SYDE2: variants seen among roughly 807,000 people sequenced by gnomAD.
SYDE2 encodes the protein rho GTPase-activating protein SYDE2.
Under a neutral mutation model 91.5 loss-of-function variants are expected in SYDE2, and 76 were observed. The observed-to-expected ratio is 0.83, with a 90% CI of 0.69 to 1.01. The LOEUF is 1.01. SYDE2 is among the 50% of genes least tolerant of loss of function. SYDE2 has a pLI of 0.00. For missense variants in SYDE2, 1,364 were observed against 1,367.7 expected, an observed-to-expected ratio of 1.00 and a Z score of 0.04; for synonymous variants, 513 against 506.4, an observed-to-expected ratio of 1.01 and a Z score of -0.18.
intron 2 of SYDE2, among the ~76,000 whole-genome samples, chr1:85,188,974 A>G (rs1398295851): frequency 3.3e-5 from 5 of 152,204 alleles, no homozygotes; most frequent in Non-Finnish European, 7.3e-5. Context: ...TATAAAACAG[A>G]ACTGCTTTCT....
intron 1 of SYDE2, among the ~76,000 whole-genome samples, chr1:85,199,937 A>C (rs1380337338): frequency 6.6e-6 from 1 of 152,152 alleles, no homozygotes; most frequent in Non-Finnish European, 1.5e-5. Context: ...AAACCTACTA[A>C]AAGTGTGTTA....
intron 2 of SYDE2, among the ~76,000 whole-genome samples, chr1:85,184,253 A>C (rs1454441569): frequency 6.6e-6 from 1 of 152,332 alleles, no homozygotes; most frequent in Middle Eastern, 3.4e-3. Context: ...TGAATAACCA[A>C]TTGTTAGTTG....
At chr1:85,176,715 G>A (rs1408428473) in intron 4 of SYDE2, among the ~76,000 whole-genome samples, 1 of 152,124 alleles carries the variant, frequency 6.6e-6, no homozygotes, top group African/African-American at 2.4e-5. Context: ...ACACACTGAA[G>A]CATCTATAAA....
intron 4 of SYDE2, among the ~76,000 whole-genome samples, chr1:85,175,526 C>T (rs1657664972): frequency 6.6e-6 from 1 of 152,030 alleles, no homozygotes; most frequent in Non-Finnish European, 1.5e-5. Context: ...GGATTTTATA[C>T]CTAAAATTTT....
intron 2 of SYDE2, among the ~76,000 whole-genome samples, chr1:85,183,620 G>GA (rs1468304446): frequency 6.6e-6 from 1 of 151,990 alleles, no homozygotes; most frequent in African/African-American, 2.4e-5. Flanking sequence ...TCTTTATAGA[G>GA]AAAAAAACTA....
downstream of SYDE2, chr1:85,153,734 G>C (rs986327428): frequency 6.6e-6 from 1 of 152,038 alleles, no homozygotes; most frequent in Non-Finnish European, 1.5e-5. Context: ...CTTGATTGCT[G>C]TCATTCTGAC....
intron 5 of SYDE2, among the ~76,000 whole-genome samples, chr1:85,165,389 G>C (rs952898846): frequency 6.6e-6 from 1 of 152,122 alleles, no homozygotes; most frequent in Non-Finnish European, 1.5e-5. Context: ...AACAGCAAAG[G>C]CTGTGATGAA....
Position 85,159,198 on chromosome 1 carries a change from T to C in SYDE2, c.3137A>G (p.Lys1046Arg), listed in dbSNP as rs779701121. The C allele has an allele frequency of 1.3e-6, 1 of 780,732 alleles. No homozygotes were observed. The highest frequency in any genetic ancestry group is 2.4e-6 in the Non-Finnish European group (1 of 417,972). 48.4% of individuals were successfully genotyped at this position (780,732 alleles called of 1,614,324 possible). Residue 1046 changes from lysine (K) to arginine (R), a missense_variant, in exon 7 of 7, where the codon AAG (lysine) becomes AGG (arginine). Coordinates refer to ENST00000341460, the MANE Select transcript of SYDE2 (RefSeq NM_032184.2). ...KSTDNLFPEQKSSLNYLRQKK... is the reference protein window; with the variant it reads ...KSTDNLFPEQRSSLNYLRQKK... ...CTGCCTCAGATAATTCAGAGAAGAC[T>C]TCTGCTCTGGGAATAAATTGTCTGT...
chr1:85,194,855 C>A (rs1160836467), intron 1 of SYDE2: 2 of 985,144 alleles, frequency 2.0e-6, no homozygotes, highest in African/African-American at 3.5e-5. Context: ...TATATTTCAA[C>A]CCTCATTGAA....
At chr1:85,160,754 G>C in intron 6 of SYDE2, 1 of 985,228 alleles carries the variant, frequency 1.0e-6, no homozygotes, top group African/African-American at 1.7e-5. Context: ...CTAGCCTTGA[G>C]GTTATCTGGT....
intron 4 of SYDE2, among the ~76,000 whole-genome samples, chr1:85,170,255 C>A (rs1463111940): frequency 6.6e-6 from 1 of 151,886 alleles, no homozygotes; most frequent in East Asian, 1.9e-4. Flanking sequence ...TGGTTGCCCC[C>A]ACACCTGGCT....
chr1:85,200,410 T>C lies in SYDE2; in HGVS notation c.587A>G (p.Tyr196Cys). The C allele has an allele frequency of 1.2e-6, 2 of 1,614,008 alleles. No homozygotes were observed. Residue 196 changes from tyrosine to cysteine, a missense_variant, in exon 1 of 7, where the codon TAC (tyrosine) becomes TGC (cysteine). Transcript: ENST00000341460. The part of the protein sequence containing the change: ...VTVKKLQKWM[Y>C]KGRLLSLGMK... ...TCCCAGGGACAGCAGACGCCCTTTG[T>C]ACATCCACTTCTGCAGCTTCTTGAC...
chr1:85,183,015 G>C lies in SYDE2; in HGVS notation c.1627C>G (p.Leu543Val). ...TAATTCAATGTTCCCTTAACGCTTA[G>C]CTTTCGGCTAAATTCTGGCAACTTT... is the stretch of plus-strand genomic sequence containing the variant. ...MKKLPEFSRKLSVKGTLNYIN... is the reference protein window; with the variant it reads ...MKKLPEFSRKVSVKGTLNYIN... The change falls in exon 3 of 7, where the codon CTA becomes GTA. Residue 543 changes from leucine to valine, a missense_variant. Transcript: ENST00000341460. The C allele has an allele frequency of 6.2e-7, 1 of 1,612,970 alleles. No homozygotes were observed. Among genetic ancestry groups the C allele is most frequent in the Non-Finnish European group, 8.5e-7 (1 of 1,179,646 alleles).
Position 85,182,221 on chromosome 1 carries a change from T to C in SYDE2, c.2421A>G (p.Ile807Met). ...CTCCAAATATTATTGGTTCTTGGTTTATATCTAGTCCATGAAGAGAATTCT... is the reference window on the plus strand; with the variant it reads ...CTCCAAATATTATTGGTTCTTGGTTCATATCTAGTCCATGAAGAGAATTCT... Reference protein sequence around the residue: ...QWENSLHGLDINQEPIIFGVD... With the variant: ...QWENSLHGLDMNQEPIIFGVD... Residue 807 changes from isoleucine to methionine, a missense_variant, in exon 3 of 7, where the codon ATA becomes ATG. Transcript: ENST00000341460. 6.2e-7 allele frequency: 1 copy of C among 1,610,222 alleles called. No homozygotes were observed.
downstream of SYDE2, among the ~76,000 whole-genome samples, chr1:85,154,405 C>A (rs1165368964): frequency 0.019 from 9 of 476 alleles, no homozygotes; most frequent in Non-Finnish European, 0.046. Flanking sequence ...GTCGCCCAGG[C>A]TGGAGTGCAG....
chr1:85,196,143 T>A (rs988529379), intron 1 of SYDE2, among the ~76,000 whole-genome samples: 7 of 152,224 alleles, frequency 4.6e-5, no homozygotes, highest in Non-Finnish European at 1.0e-4. Context: ...TATTAATTCA[T>A]ATACATAAAA....
intron 5 of SYDE2, among the ~76,000 whole-genome samples, chr1:85,167,265 A>G (rs897538892): frequency 6.6e-6 from 1 of 152,028 alleles, no homozygotes; most frequent in East Asian, 1.9e-4. Flanking sequence ...GTATGCAAAC[A>G]TATAAGGGCC....
chr1:85,162,437 T>C (rs1050866885), intron 6 of SYDE2, among the ~76,000 whole-genome samples: 1 of 152,186 alleles, frequency 6.6e-6, no homozygotes. Flanking sequence ...TTTCTTGAAT[T>C]CAACAGCAGG....
At chr1:85,155,022 A>AAAG (rs1553169512), downstream of SYDE2, among the ~76,000 whole-genome samples, 352 of 149,550 alleles carry the variant, frequency 2.4e-3, 2 homozygotes, top group African/African-American at 8.4e-3. Flanking sequence ...AAAAAAAAAA[A>AAAG]AAAGAAAAGA....
Sources: allele counts gnomAD v4.1 joint callset (sites outside exome capture counted in the v4.1 genomes callset), GRCh38; gene constraint gnomAD v4.1.1; transcripts MANE v1.5; gene names NCBI Gene and HGNC (gene_info 2026-07-23, HGNC 2026-07-21).